WWOX: variants seen among roughly 807,000 people sequenced by gnomAD.
The protein encoded by WWOX is WW domain-containing oxidoreductase.
Under a neutral mutation model 46.2 loss-of-function variants are expected in WWOX, and 69 were observed. That is an observed-to-expected ratio of 1.49 (90% CI 1.23 to 1.82). The LOEUF (loss-of-function observed/expected upper bound fraction) is 1.82. Among genes scored for constraint, WWOX ranks in the 40% most tolerant of loss-of-function variants. The probability of loss-of-function intolerance (pLI) is 0.00; values close to 1 mark genes in which losing one functional copy is unlikely to be tolerated. For synonymous variants in WWOX, 359 were observed against 202.6 expected (o/e 1.77, Z -6.56); for missense variants, 919 against 542.6 (o/e 1.69, Z -6.89).
In WWOX at chr16:78,713,273, C is replaced by CAAAA. The variant is rs5818165; in HGVS notation, c.1056+280546_1056+280549dup. 1.3e-3 allele frequency among the ~76,000 whole-genome samples: 22 copies of CAAAA among 17,046 alleles called. 3 individuals are homozygous for CAAAA. Among genetic ancestry groups the CAAAA allele is most frequent in the Middle Eastern group, 0.083 (2 of 24 alleles). The allele number at this position is 17,046 out of a possible 152,430, so 11.2% of individuals were successfully genotyped here. A position where few individuals can be genotyped will look rare whatever the true frequency, so the allele number is the denominator to read the frequency against. ...TGGGTGACAAAGTGAGACTCTGTCT[C>CAAAA]AAAAAAAAAAAAAAAAAAAAAAAAA... On this transcript the variant is annotated intron_variant, in intron 8 of 8. Transcript: ENST00000566780.
chr16:78,548,879 G>GTT (rs2044111293), intron 8 of WWOX, among the ~76,000 whole-genome samples: 1 of 152,146 alleles, frequency 6.6e-6, no homozygotes, highest in African/African-American at 2.4e-5. Context: ...AGGCTTAATT[G>GTT]TAAGTTAATG....
intron 8 of WWOX, among the ~76,000 whole-genome samples, chr16:78,554,722 C>A (rs1192700981): frequency 1.3e-5 from 2 of 152,098 alleles, no homozygotes; most frequent in African/African-American, 4.8e-5. Flanking sequence ...GCCTTCCATT[C>A]AGGGCACGCA....
intron 8 of WWOX, among the ~76,000 whole-genome samples, chr16:78,716,187 G>A (rs1194347013): frequency 6.6e-6 from 1 of 152,064 alleles, no homozygotes; most frequent in African/African-American, 2.4e-5. Context: ...GGAAGATGAT[G>A]TGAAGAAAAA....
chr16:78,803,472 G>A (rs1304682446), intron 8 of WWOX, among the ~76,000 whole-genome samples: 2 of 151,942 alleles, frequency 1.3e-5, no homozygotes, highest in Admixed American at 6.6e-5. Flanking sequence ...TTTGAGACAG[G>A]GTCTCGCTGT....
chr16:79,212,124 G>T lies in WWOX; in HGVS notation c.*328G>T. 1.3e-6 allele frequency: 2 copies of T among 1,532,812 alleles called. No individual in the cohort carries two copies. The highest frequency in any genetic ancestry group is 1.7e-6 in the Non-Finnish European group (2 of 1,145,054). 95.0% of individuals were successfully genotyped at this position (1,532,812 alleles called of 1,614,324 possible). The stretch of plus-strand genomic sequence containing the variant: ...CAATTCTCTTTCTTTTACTGTTATA[G>T]AATAGCCTGAGGTCCCCTCGTCCCA... On this transcript the variant is annotated 3_prime_UTR_variant, in exon 9 of 9. Transcript: ENST00000566780.
chr16:79,155,221 C>A (rs893743977), intron 8 of WWOX, among the ~76,000 whole-genome samples: 2 of 152,026 alleles, frequency 1.3e-5, no homozygotes, highest in Admixed American at 6.6e-5. Context: ...CCTAAAAATA[C>A]AAAAATTAGC....
chr16:78,500,250 CAG>C (rs1207592596), intron 8 of WWOX, among the ~76,000 whole-genome samples: 1 of 152,140 alleles, frequency 6.6e-6, no homozygotes, highest in South Asian at 2.1e-4. Flanking sequence ...TAAAATAAAA[CAG>C]AAGGTATGAA....
intron 8 of WWOX, among the ~76,000 whole-genome samples, chr16:79,080,689 G>A (rs923781808): frequency 7.9e-5 from 12 of 152,138 alleles, no homozygotes; most frequent in Admixed American, 5.2e-4. Context: ...TGGCTTAGCC[G>A]GGTACAGTGG....
chr16:79,197,965 C>A (rs2051272722), intron 8 of WWOX, among the ~76,000 whole-genome samples: 1 of 152,158 alleles, frequency 6.6e-6, no homozygotes, highest in Non-Finnish European at 1.5e-5. Flanking sequence ...AGTTATAAAT[C>A]TTCCCTTATG....
In WWOX at chr16:78,406,317, T is replaced by C. The variant is rs1401989524; in HGVS notation, c.606-18553T>C. Among the ~76,000 whole-genome samples, 30 of 67,770 alleles carry C rather than the reference T, an allele frequency of 4.4e-4. 1 individual carries two copies. In the East Asian group the frequency reaches 8.4e-3, roughly 19 times the overall value. 44.5% of individuals were successfully genotyped at this position (67,770 alleles called of 152,430 possible). ...ATATAAATATAAATATATATATATA[T>C]ATATATATATATATATATATATATA... On this transcript the variant is annotated intron_variant, in intron 6 of 8. Transcript: ENST00000566780.
chr16:78,983,965 C>T (rs1174854116), intron 8 of WWOX, among the ~76,000 whole-genome samples: 1 of 144,238 alleles, frequency 6.9e-6, no homozygotes, highest in Admixed American at 7.4e-5. Context: ...GCAAGCTCTG[C>T]ATCCCAGGTT....
At chr16:78,262,666 G>A (rs941262106) in intron 5 of WWOX, among the ~76,000 whole-genome samples, 1 of 152,166 alleles carries the variant, frequency 6.6e-6, no homozygotes, top group Admixed American at 6.5e-5. Context: ...AAAGGGGACA[G>A]GACAGGAACT....
intron 5 of WWOX, among the ~76,000 whole-genome samples, chr16:78,253,601 C>G (rs2038042628): frequency 6.6e-6 from 1 of 152,190 alleles, no homozygotes; most frequent in Non-Finnish European, 1.5e-5. Context: ...CATGATTTCA[C>G]AAACCTGTTC....
chr16:79,182,355 C>A (rs933756568), intron 8 of WWOX, among the ~76,000 whole-genome samples: 1 of 152,082 alleles, frequency 6.6e-6, no homozygotes, highest in Admixed American at 6.6e-5. Flanking sequence ...CTCCCTACTT[C>A]CCTTTTTAAC....
At chr16:78,908,407 G>A (rs1408640538) in intron 8 of WWOX, among the ~76,000 whole-genome samples, 1 of 152,038 alleles carries the variant, frequency 6.6e-6, no homozygotes, top group African/African-American at 2.4e-5. Context: ...AGGCGTAGTG[G>A]TAGGCGCCTG....
chr16:78,658,109 A>G (rs180921367), intron 8 of WWOX, among the ~76,000 whole-genome samples: 4 of 152,274 alleles, frequency 2.6e-5, no homozygotes, highest in African/African-American at 7.2e-5. Context: ...TCTACCCACT[A>G]GATGCCAGTA....
At chr16:78,802,752 C>G (rs2050923336) in intron 8 of WWOX, among the ~76,000 whole-genome samples, 1 of 150,958 alleles carries the variant, frequency 6.6e-6, no homozygotes, top group East Asian at 1.9e-4. Context: ...CCCGTCTCTA[C>G]TAAAAATAGA....
At chr16:78,410,889 G>A (rs1468983711) in intron 6 of WWOX, among the ~76,000 whole-genome samples, 1 of 151,752 alleles carries the variant, frequency 6.6e-6, no homozygotes, top group Non-Finnish European at 1.5e-5. Context: ...ATCATGCATG[G>A]CTGTTGGCAG....
intron 8 of WWOX, among the ~76,000 whole-genome samples, chr16:79,199,099 G>A (rs2051296577): frequency 6.6e-6 from 1 of 152,106 alleles, no homozygotes; most frequent in South Asian, 2.1e-4. Context: ...GTCTCATTCT[G>A]TCACCCAAGC....
Sources: allele counts gnomAD v4.1 joint callset (sites outside exome capture counted in the v4.1 genomes callset), GRCh38; gene constraint gnomAD v4.1.1; transcripts MANE v1.5; gene names NCBI Gene and HGNC (gene_info 2026-07-23, HGNC 2026-07-21).